DHRS3: variants seen among roughly 807,000 people sequenced by gnomAD.
DHRS3 encodes dehydrogenase/reductase 3.
Under a neutral mutation model 27.2 loss-of-function variants are expected in DHRS3, and 14 were observed. The ratio of observed to expected loss-of-function variants is 0.52; its 90% CI spans 0.34 to 0.81. DHRS3 has a LOEUF of 0.81. Among genes scored for constraint, DHRS3 ranks in the 30% least tolerant of loss-of-function variants. The pLI is 0.01. For synonymous variants in DHRS3, 165 were observed against 175.9 expected (o/e 0.94, Z 0.49); for missense variants, 322 against 406.2 (o/e 0.79, Z 1.78).
In DHRS3 at chr1:12,592,113, G is replaced by A. The variant is rs1226130500; in HGVS notation, c.196-11447C>T. 6.6e-6 allele frequency among the ~76,000 whole-genome samples: 1 copy of A among 152,144 alleles called. No individual in the cohort carries two copies. Among genetic ancestry groups the A allele is most frequent in the Admixed American group, 6.5e-5 (1 of 15,286 alleles). ...TGCCTGGAGCACCCTTGCTCTCCAA[G>A]TGGGCGGGGTGGGACTGTGACAAGC... On this transcript the variant is annotated intron_variant, in intron 1 of 5. Coordinates refer to ENST00000616661, the MANE Select transcript of DHRS3 (RefSeq NM_004753.7). The surrounding 1 kb of genome is among the most constrained non-coding windows in gnomAD (Gnocchi z 4.2).
chr1:12,578,013 G>A lies in DHRS3; in HGVS notation c.698+705C>T, dbSNP rs1177712926. 1.3e-5 allele frequency among the ~76,000 whole-genome samples: 2 copies of A among 152,124 alleles called. No homozygotes were observed. The highest frequency in any genetic ancestry group is 2.1e-4 in the South Asian group (1 of 4,828). On this transcript the variant is annotated intron_variant, in intron 4 of 5. Transcript: ENST00000616661. The surrounding 1 kb of genome is among the most constrained non-coding windows in gnomAD (Gnocchi z 4.5). ...CCCAGGTTACACCCCCAGCCCTCCAGGGGAAGCCACGGGTCTGATTTCCAT... is the reference window on the plus strand; with the variant it reads ...CCCAGGTTACACCCCCAGCCCTCCAAGGGAAGCCACGGGTCTGATTTCCAT...
At chr1:12,575,007 A>C (rs1412919572) in intron 4 of DHRS3, among the ~76,000 whole-genome samples, 1 of 151,930 alleles carries the variant, frequency 6.6e-6, no homozygotes, top group Admixed American at 6.6e-5. Context: ...TAGTGGTTCT[A>C]GGTGGTTCTA....
chr1:12,594,211 A>C lies in DHRS3; in HGVS notation c.196-13545T>G, dbSNP rs969651382. Among the ~76,000 whole-genome samples the C allele has an allele frequency of 1.3e-5, 2 of 152,204 alleles. No individual in the cohort carries two copies. On this transcript the variant is annotated intron_variant, in intron 1 of 5. Transcript: ENST00000616661. This position sits in a 1 kb window ranked among gnomAD's most constrained non-coding sequence, Gnocchi z 4.1. ...AGTCTAAGTAACTCATGCAGGCTGC[A>C]CTACTAGAAGTTTCAAAGCAAGGCT... is the stretch of plus-strand genomic sequence containing the variant.
At chr1:12,569,479 T>C (rs1032539374) in intron 5 of DHRS3, among the ~76,000 whole-genome samples, 7 of 152,168 alleles carry the variant, frequency 4.6e-5, no homozygotes, top group Non-Finnish European at 2.9e-5. Context: ...CACATCAGCA[T>C]AAATGGGGTA....
At chr1:12,602,209 TG>T (rs893121160) in intron 1 of DHRS3, among the ~76,000 whole-genome samples, 3 of 152,096 alleles carry the variant, frequency 2.0e-5, no homozygotes, top group Non-Finnish European at 4.4e-5. Flanking sequence ...TGGATGGTTG[TG>T]GGGGTTGGGC....
In DHRS3 at chr1:12,580,626, G is replaced by A. The variant is rs534451677; in HGVS notation, c.236C>T (p.Thr79Met). The change falls in exon 2 of 6, where the codon ACG becomes ATG. Residue 79 changes from threonine to methionine, a missense_variant. By Grantham distance (81) the Thr-to-Met change is moderately conservative. Coordinates refer to ENST00000616661, the MANE Select transcript of DHRS3 (RefSeq NM_004753.7). ...GCCCATCTGCCGGATCTCCTCCGTCGTCTCCTTCAGGCATTTCTCAGTCCG... is the reference window on the plus strand; with the variant it reads ...GCCCATCTGCCGGATCTCCTCCGTCATCTCCTTCAGGCATTTCTCAGTCCG... ...WGRTEKCLKE[T>M]TEEIRQMGTE... 11 of 1,614,044 alleles carry A rather than the reference G, an allele frequency of 6.8e-6. No homozygotes were observed. Among genetic ancestry groups the A allele is most frequent in the South Asian group, 3.3e-5 (3 of 91,068 alleles).
intron 1 of DHRS3, among the ~76,000 whole-genome samples, chr1:12,604,761 G>A (rs6541041): frequency 0.44 from 67,191 of 152,124 alleles, 15,901 homozygotes; most frequent in South Asian, 0.54. Flanking sequence ...TCAGAAATGC[G>A]TGCTGCTGGC....
At chr1:12,587,856 C>G (rs1269277913) in intron 1 of DHRS3, among the ~76,000 whole-genome samples, 2 of 152,228 alleles carry the variant, frequency 1.3e-5, no homozygotes, top group Admixed American at 1.3e-4. Context: ...CCCCTTGTCC[C>G]CCAGCCCCCG....
chr1:12,580,678 T>A lies in DHRS3; in HGVS notation c.196-12A>T. 1 of 1,609,782 alleles carries A rather than the reference T, an allele frequency of 6.2e-7. No individual in the cohort carries two copies. Among genetic ancestry groups the A allele is most frequent in the Non-Finnish European group, 8.5e-7 (1 of 1,177,274 alleles). On this transcript the variant is annotated splice_polypyrimidine_tract_variant and intron_variant, in intron 1 of 5. Transcript: ENST00000616661. The stretch of plus-strand genomic sequence containing the variant: ...CCCCAGAGAACAATCTGGAAGAAGA[T>A]AATAACAACGCAGAACAAATGGTCA...
At chr1:12,612,741 A>G (rs890414613) in intron 1 of DHRS3, among the ~76,000 whole-genome samples, 1 of 152,160 alleles carries the variant, frequency 6.6e-6, no homozygotes, top group Non-Finnish European at 1.5e-5. Context: ...GTGTGCCCTG[A>G]ATCCAATAAC....
chr1:12,579,261 C>G (rs12041395), intron 3 of DHRS3, 32 bp downstream of exon 3: 1 of 1,613,732 alleles, frequency 6.2e-7, no homozygotes, highest in African/African-American at 1.3e-5. Context: ...CCTGCACGCC[C>G]GGGGCTGGCT....
At chr1:12,617,120 G>GC in intron 1 of DHRS3, 34 bp downstream of exon 1, 1 of 1,588,500 alleles carries the variant, frequency 6.3e-7, no homozygotes, top group Non-Finnish European at 8.6e-7. Context: ...CGCCCCTGCG[G>GC]CCCCCCACTC....
rs1192595687 is a variant in DHRS3, at chr1:12,578,133, G to A, written c.698+585C>T. Reference sequence around the variant, plus strand: ...TCAAGCTCCCTTCGCCCTGCACGACGCTGTGGAGGTGCATCTCCCTCATTT... The same window carrying A: ...TCAAGCTCCCTTCGCCCTGCACGACACTGTGGAGGTGCATCTCCCTCATTT... On this transcript the variant is annotated intron_variant, in intron 4 of 5. Transcript: ENST00000616661. The surrounding 1 kb of genome is among the most constrained non-coding windows in gnomAD (Gnocchi z 4.5). Among the ~76,000 whole-genome samples, 1 of 152,142 alleles carries A rather than the reference G, an allele frequency of 6.6e-6. No homozygotes were observed. Among genetic ancestry groups the A allele is most frequent in the Non-Finnish European group, 1.5e-5 (1 of 68,014 alleles).
chr1:12,579,043 A>C (rs1208723485), intron 3 of DHRS3, 87 bp from the exon 4 acceptor site: 1 of 1,334,414 alleles, frequency 7.5e-7, no homozygotes, highest in Non-Finnish European at 1.0e-6. Context: ...CCCACCCCGG[A>C]CACACATGAT....
rs1646954239 is a variant in DHRS3, at chr1:12,617,631, C to T, written c.-283G>A. On this transcript the variant is annotated 5_prime_UTR_variant, in exon 1 of 6. Coordinates refer to ENST00000616661, the MANE Select transcript of DHRS3 (RefSeq NM_004753.7). ...GGAAGCCGGAGGTGGAAAGTTCTAA[C>T]AAGAAGTTTCTTGCCCCAGCAGCCG... 3.4e-6 allele frequency: 1 copy of T among 293,866 alleles called. No individual in the cohort carries two copies. The highest frequency in any genetic ancestry group is 6.1e-6 in the Non-Finnish European group (1 of 163,224). The allele number at this position is 293,866 out of a possible 1,614,324, so 18.2% of individuals were successfully genotyped here.
intron 1 of DHRS3, among the ~76,000 whole-genome samples, chr1:12,581,410 C>T (rs1183029887): frequency 1.3e-5 from 2 of 152,168 alleles, no homozygotes; most frequent in African/African-American, 4.8e-5. Flanking sequence ...TAGATGGGAC[C>T]ATTCCAGCCT....
chr1:12,573,122 G>A (rs546101756), intron 4 of DHRS3, among the ~76,000 whole-genome samples: 1 of 152,334 alleles, frequency 6.6e-6, no homozygotes, highest in East Asian at 1.9e-4. Flanking sequence ...GGCTCCCAGT[G>A]CCCTAGGGCT....
intron 1 of DHRS3, among the ~76,000 whole-genome samples, chr1:12,615,698 C>T (rs1221590716): frequency 1.3e-5 from 2 of 152,168 alleles, no homozygotes; most frequent in Non-Finnish European, 2.9e-5. Context: ...ACCCCACGTC[C>T]GCCCCAAAGG....
intron 1 of DHRS3, among the ~76,000 whole-genome samples, chr1:12,597,801 C>G (rs11121945): frequency 0.43 from 64,987 of 152,074 alleles, 14,861 homozygotes; most frequent in South Asian, 0.57. Context: ...ACATCATTCG[C>G]AGGGTCCCTG....
Sources: allele counts gnomAD v4.1 joint callset (sites outside exome capture counted in the v4.1 genomes callset), GRCh38; gene constraint gnomAD v4.1.1; non-coding constraint Gnocchi (gnomAD v3.1); transcripts MANE v1.5; gene names NCBI Gene and HGNC (gene_info 2026-07-23, HGNC 2026-07-21).